Variants in HMCN1 observed in about 807,000 individuals in gnomAD.
The protein encoded by HMCN1 is hemicentin 1.
Under a neutral mutation model 625.9 loss-of-function variants are expected in HMCN1, and 321 were observed. That is an observed-to-expected ratio of 0.51 (90% CI 0.47 to 0.56). The LOEUF is 0.56. HMCN1 is among the 20% of genes least tolerant of loss of function. The probability of loss-of-function intolerance (pLI) is 0.00; values close to 1 mark genes in which losing one functional copy is unlikely to be tolerated. For synonymous variants in HMCN1, 2,425 were observed against 2,417.6 expected (o/e 1.00, Z -0.09); for missense variants, 6,588 against 6,887.3 (o/e 0.96, Z 1.54).
chr1:185,839,409 T>C (rs1212216096), intron 1 of HMCN1, among the ~76,000 whole-genome samples: 2 of 152,180 alleles, frequency 1.3e-5, no homozygotes, highest in African/African-American at 4.8e-5. Context: ...CTTGAGAACG[T>C]TGGAAAGCTT....
At chr1:185,968,988 A>G (rs948185368) in intron 14 of HMCN1, among the ~76,000 whole-genome samples, 2 of 152,168 alleles carry the variant, frequency 1.3e-5, no homozygotes, top group African/African-American at 4.8e-5. Flanking sequence ...TTCTTTAAAC[A>G]TTTTTATTTT....
In HMCN1 at chr1:186,015,864, T is replaced by C. The variant is rs533826761; in HGVS notation, c.4910-94T>C. 13 of 1,210,714 alleles carry C rather than the reference T, an allele frequency of 1.1e-5. No homozygotes were observed. The East Asian group carries it at 2.8e-4, about 26-fold the overall frequency. The allele number at this position is 1,210,714 out of a possible 1,614,324, so 75.0% of individuals were successfully genotyped here. On this transcript the variant is annotated intron_variant, in intron 31 of 106. Transcript: ENST00000271588. ...TAGGTAGATTTTAATGGTCAAACTT[T>C]GTGAGAAAAAACAAAAGCTCTTCTT...
At chr1:185,821,021 AAT>A (rs923469686) in intron 1 of HMCN1, among the ~76,000 whole-genome samples, 6 of 151,326 alleles carry the variant, frequency 4.0e-5, no homozygotes, top group Middle Eastern at 3.2e-3. Context: ...ATGTACCTGT[AAT>A]ATATATATAT....
intron 11 of HMCN1, among the ~76,000 whole-genome samples, chr1:185,935,167 G>A (rs1333387527): frequency 1.3e-5 from 2 of 152,082 alleles, no homozygotes; most frequent in African/African-American, 4.8e-5. Flanking sequence ...TTCTTTATTT[G>A]AAGTCCCTTA....
At chr1:185,989,403 T>G in intron 20 of HMCN1, 85 bp from the exon 21 acceptor site, 1 of 1,496,720 alleles carries the variant, frequency 6.7e-7, no homozygotes, top group Admixed American at 1.7e-5. Flanking sequence ...TTCTCTCTAT[T>G]CCTCTTCCAG....
Position 185,944,345 on chromosome 1 carries a change from A to C in HMCN1, c.1828+10521A>C, listed in dbSNP as rs1231614140. Among the ~76,000 whole-genome samples, 3 of 152,274 alleles carry C rather than the reference A, an allele frequency of 2.0e-5. No individual in the cohort carries two copies. The South Asian group carries it at 6.2e-4, about 32-fold the overall frequency. ...GAGGGTAGGAGAGAGGCTAGGGATA[A>C]AAACACTCAGGTGATGGGTGCACTA... is the stretch of plus-strand genomic sequence containing the variant. On this transcript the variant is annotated intron_variant, in intron 11 of 106. Coordinates refer to ENST00000271588, the MANE Select transcript of HMCN1 (RefSeq NM_031935.3).
intron 11 of HMCN1, among the ~76,000 whole-genome samples, chr1:185,948,582 A>G (rs1037003473): frequency 6.6e-6 from 1 of 151,138 alleles, no homozygotes. Flanking sequence ...GGCCATTTAC[A>G]CTTCTTTTGT....
At chr1:186,051,178 A>G (rs933344818) in intron 42 of HMCN1, among the ~76,000 whole-genome samples, 1 of 152,050 alleles carries the variant, frequency 6.6e-6, no homozygotes, top group Non-Finnish European at 1.5e-5. Flanking sequence ...AAAAGTATAG[A>G]TTTGATTCTA....
intron 97 of HMCN1, among the ~76,000 whole-genome samples, chr1:186,160,052 G>C (rs922720511): frequency 3.3e-5 from 5 of 150,896 alleles, no homozygotes; most frequent in Non-Finnish European, 7.4e-5. Flanking sequence ...ATCTGGTCCT[G>C]GACTCTTTTT....
intron 6 of HMCN1, among the ~76,000 whole-genome samples, chr1:185,916,236 A>G (rs540108694): frequency 9.9e-5 from 15 of 152,176 alleles, no homozygotes; most frequent in Non-Finnish European, 1.5e-4. Context: ...CTTAATAAAT[A>G]TTTTATTGAA....
intron 81 of HMCN1, 68 bp from the exon 82 acceptor site, chr1:186,125,536 T>C: frequency 1.6e-6 from 2 of 1,262,604 alleles, no homozygotes; most frequent in Non-Finnish European, 2.3e-6. Context: ...TATGTGTTAA[T>C]TTTTATTGTG....
At chr1:186,131,243 ACTAT>A (rs936488747) in intron 85 of HMCN1, among the ~76,000 whole-genome samples, 1 of 152,188 alleles carries the variant, frequency 6.6e-6, no homozygotes, top group Non-Finnish European at 1.5e-5. Flanking sequence ...ATTAAAATAT[ACTAT>A]CTAATTACCC....
chr1:185,777,166 A>G (rs1656671902), intron 1 of HMCN1, among the ~76,000 whole-genome samples: 1 of 152,154 alleles, frequency 6.6e-6, no homozygotes. Flanking sequence ...GCTTTTCTCC[A>G]CTGGCTAGTT....
intron 68 of HMCN1, among the ~76,000 whole-genome samples, chr1:186,099,041 G>A (rs1558222482): frequency 6.6e-6 from 1 of 152,030 alleles, no homozygotes; most frequent in Non-Finnish European, 1.5e-5. Context: ...GTAGGTCAGT[G>A]GGTACAAAGT....
At chr1:186,003,963 T>C in intron 29 of HMCN1, 119 bp downstream of exon 29, 1 of 997,808 alleles carries the variant, frequency 1.0e-6, no homozygotes, top group African/African-American at 1.6e-5. Flanking sequence ...TAAATGAGCA[T>C]ACAGGAAAAA....
intron 102 of HMCN1, among the ~76,000 whole-genome samples, chr1:186,173,928 A>G (rs1158813995): frequency 2.0e-5 from 3 of 152,354 alleles, no homozygotes; most frequent in Admixed American, 6.5e-5. Flanking sequence ...TGTACTTTGT[A>G]TATAGCAAAT....
chr1:186,007,176 A>G lies in HMCN1; in HGVS notation c.4524A>G (p.Gln1508=). Residue 1508 remains glutamine, a synonymous_variant, in exon 30 of 107, where the codon CAA becomes CAG. Transcript: ENST00000271588. ...ATGTTGAACTTCTAGACAGAGGACA[A>G]GTCTTACATTTAAAGAATGCACGGA... ...DPNVELLDRG[Q]VLHLKNARRN... The G allele has an allele frequency of 6.2e-7, 1 of 1,613,290 alleles. No individual in the cohort carries two copies. The highest frequency in any genetic ancestry group is 1.7e-4 in the Middle Eastern group (1 of 6,058).
At chr1:185,796,654 G>GTA (rs1026424272) in intron 1 of HMCN1, among the ~76,000 whole-genome samples, 1 of 150,398 alleles carries the variant, frequency 6.6e-6, no homozygotes, top group South Asian at 2.1e-4. Flanking sequence ...GTGTGTGTGT[G>GTA]TATACTCACA....
rs144723436 is a variant in HMCN1 at position 185,874,283 on chromosome 1, C to T, written c.621+8420C>T. The stretch of plus-strand genomic sequence containing the variant: ...ATACCAAACATATATCATGATTTAT[C>T]GTTGCTTGCATTTGGTTCAACCTAA... On this transcript the variant is annotated intron_variant, in intron 4 of 106. Transcript: ENST00000271588. 2.4e-4 allele frequency among the ~76,000 whole-genome samples: 36 copies of T among 152,006 alleles called. 1 individual carries two copies. The East Asian group carries it at 6.8e-3, about 29-fold the overall frequency.
Sources: allele counts gnomAD v4.1 joint callset (sites outside exome capture counted in the v4.1 genomes callset), GRCh38; gene constraint gnomAD v4.1.1; transcripts MANE v1.5; gene names NCBI Gene and HGNC (gene_info 2026-07-23, HGNC 2026-07-21).